KCNIP4: variants seen among roughly 807,000 people sequenced by gnomAD.
KCNIP4 encodes the protein potassium voltage-gated channel interacting protein 4.
In KCNIP4, 12 loss-of-function variants were observed where a neutral mutation model predicts 34.0. The observed-to-expected ratio is 0.35, with a 90% confidence interval of 0.23 to 0.57. The LOEUF (loss-of-function observed/expected upper bound fraction) is 0.57, where lower values mean the gene tolerates loss of function less well. KCNIP4 is among the 20% of genes least tolerant of loss of function. KCNIP4 has a pLI of 0.83. For missense variants in KCNIP4, 238 were observed against 311.7 expected (o/e 0.76, Z 1.78); for synonymous variants, 124 against 102.2 (o/e 1.21, Z -1.29).
chr4:21,368,383 C>T (rs1409865968), intron 1 of KCNIP4, among the ~76,000 whole-genome samples: 1 of 147,052 alleles, frequency 6.8e-6, no homozygotes, highest in Non-Finnish European at 1.5e-5. Flanking sequence ...GTATCTAATA[C>T]ACGTGCTTAT....
intron 1 of KCNIP4, among the ~76,000 whole-genome samples, chr4:21,289,404 C>T (rs1763304742): frequency 6.6e-6 from 1 of 152,024 alleles, no homozygotes; most frequent in Non-Finnish European, 1.5e-5. Context: ...TCCATCTAAC[C>T]ATGTATTTGT....
At chr4:21,415,005 G>T (rs535933173) in intron 1 of KCNIP4, among the ~76,000 whole-genome samples, 1 of 151,572 alleles carries the variant, frequency 6.6e-6, no homozygotes, top group Non-Finnish European at 1.5e-5. Context: ...ACAAATTATC[G>T]CTGACTATAG....
intron 1 of KCNIP4, among the ~76,000 whole-genome samples, chr4:20,951,114 GTC>G (rs370902307): frequency 1.3e-5 from 2 of 151,456 alleles, no homozygotes; most frequent in Non-Finnish European, 1.5e-5. Context: ...CTCTCTCTCT[GTC>G]TCTCTCTCTC....
intron 1 of KCNIP4, among the ~76,000 whole-genome samples, chr4:21,379,473 T>C (rs2109468923): frequency 6.6e-6 from 1 of 152,324 alleles, no homozygotes; most frequent in South Asian, 2.1e-4. Flanking sequence ...TTTGCCTCTC[T>C]TTCACTCAAC....
rs1577640596 is a variant in KCNIP4, at chr4:21,072,329, G to A, written c.62-189620C>T. Among the ~76,000 whole-genome samples the A allele has an allele frequency of 3.3e-5, 5 of 152,146 alleles. No homozygotes were observed. The South Asian group carries it at 1.0e-3, about 32-fold the overall frequency. ...GTTGTTTCCTGACATGTTAATGATT[G>A]CCATTCTAACTGGTGTGAGATGGTA... On this transcript the variant is annotated intron_variant, in intron 1 of 8. Transcript: ENST00000382152.
intron 1 of KCNIP4, among the ~76,000 whole-genome samples, chr4:21,194,001 C>T (rs1355766492): frequency 1.3e-5 from 2 of 152,084 alleles, no homozygotes; most frequent in African/African-American, 2.4e-5. Flanking sequence ...GTTTTATACA[C>T]GGCAATTTGA....
Position 21,448,701 on chromosome 4 carries a change from G to A in KCNIP4, c.61+499870C>T, listed in dbSNP as rs926728746. 2.0e-5 allele frequency among the ~76,000 whole-genome samples: 3 copies of A among 152,062 alleles called. No homozygotes were observed. In the East Asian group the frequency reaches 5.8e-4, roughly 29 times the overall value. ...ACTGTGCTCTGGACAGAAGGCCAAG[G>A]GTATGGAGGGACATCCTTTTTACTT... On this transcript the variant is annotated intron_variant, in intron 1 of 8. Transcript: ENST00000382152.
intron 1 of KCNIP4, among the ~76,000 whole-genome samples, chr4:20,999,065 C>T (rs1416702634): frequency 2.6e-5 from 4 of 152,308 alleles, no homozygotes; most frequent in African/African-American, 7.2e-5. Flanking sequence ...GCTCATTTCA[C>T]AGACACTTAA....
intron 1 of KCNIP4, among the ~76,000 whole-genome samples, chr4:21,334,814 C>G (rs530871732): frequency 6.6e-6 from 1 of 152,114 alleles, no homozygotes; most frequent in South Asian, 2.1e-4. Context: ...ATGTGAAAGT[C>G]CAACTCTGTG....
intron 1 of KCNIP4, among the ~76,000 whole-genome samples, chr4:21,432,206 C>T (rs1450599271): frequency 7.0e-6 from 1 of 143,118 alleles, no homozygotes; most frequent in South Asian, 2.2e-4. Flanking sequence ...GAGAAAACCA[C>T]ATCAAGACAT....
chr4:21,732,719 G>A (rs369980450), intron 1 of KCNIP4, among the ~76,000 whole-genome samples: 1 of 152,044 alleles, frequency 6.6e-6, no homozygotes, highest in East Asian at 1.9e-4. Context: ...CAATACATTC[G>A]CCTCTCAAGG....
At chr4:21,924,715 T>G (rs1729135327) in intron 1 of KCNIP4, among the ~76,000 whole-genome samples, 1 of 152,192 alleles carries the variant, frequency 6.6e-6, no homozygotes, top group African/African-American at 2.4e-5. Context: ...GTAGATAAAC[T>G]GTTAATTTCA....
At chr4:20,865,850 A>G (rs1407258714) in intron 2 of KCNIP4, among the ~76,000 whole-genome samples, 1 of 152,078 alleles carries the variant, frequency 6.6e-6, no homozygotes, top group East Asian at 1.9e-4. Context: ...CTCTTGCTAC[A>G]TATAAAAATG....
At chr4:20,871,652 G>C (rs540222210) in intron 2 of KCNIP4, among the ~76,000 whole-genome samples, 6 of 152,156 alleles carry the variant, frequency 3.9e-5, no homozygotes, top group African/African-American at 1.4e-4. Flanking sequence ...GAGCAGCATG[G>C]CTGTATTTAA....
rs565057204 is a variant in KCNIP4, at chr4:21,808,654, T to C, written c.61+139917A>G. Reference sequence around the variant, plus strand: ...GGGATTGGCACCACTAACTCCTACATTGTTCAAGGTAAACTGTATATGCAA... The same window carrying C: ...GGGATTGGCACCACTAACTCCTACACTGTTCAAGGTAAACTGTATATGCAA... On this transcript the variant is annotated intron_variant, in intron 1 of 8. Transcript: ENST00000382152. Among the ~76,000 whole-genome samples the C allele has an allele frequency of 1.4e-4, 22 of 152,314 alleles. No homozygotes were observed. The South Asian group carries it at 3.1e-3, about 21-fold the overall frequency.
chr4:21,084,689 A>C (rs1046996169), intron 1 of KCNIP4, among the ~76,000 whole-genome samples: 1 of 150,748 alleles, frequency 6.6e-6, no homozygotes, highest in Admixed American at 6.6e-5. Context: ...ATATATATGA[A>C]CTTTTTCCAT....
At chr4:20,936,083 GT>G (rs34140438) in intron 1 of KCNIP4, among the ~76,000 whole-genome samples, 8,066 of 149,380 alleles carry the variant, frequency 0.054, 473 homozygotes, top group African/African-American at 0.15. Context: ...GAAAGATACA[GT>G]TTTTTTTTTA....
intron 5 of KCNIP4, among the ~76,000 whole-genome samples, chr4:20,746,197 A>G (rs1269673417): frequency 1.3e-5 from 2 of 152,220 alleles, no homozygotes; most frequent in African/African-American, 2.4e-5. Context: ...CTATGCAGCC[A>G]TAAAAAAGGA....
chr4:21,850,023 A>G (rs1367437445), intron 1 of KCNIP4: 3 of 152,148 alleles, frequency 2.0e-5, no homozygotes, highest in Non-Finnish European at 4.4e-5. Flanking sequence ...ACACATTTCA[A>G]CTGGTGAAAA....
Sources: gnomAD v4.1 joint callset for allele counts (sites outside exome capture counted in the v4.1 genomes callset) on GRCh38, gnomAD v4.1.1 for gene constraint, MANE v1.5 for transcripts, NCBI Gene and HGNC (gene_info 2026-07-23, HGNC 2026-07-21) for gene names.